Variants in ARHGAP29 observed in about 807,000 individuals in gnomAD.
The protein encoded by ARHGAP29 is rho GTPase-activating protein 29.
ARHGAP29 carries 43 observed loss-of-function variants against 122.6 expected under a neutral mutation model. The ratio of observed to expected loss-of-function variants is 0.35; its 90% CI spans 0.27 to 0.45. The LOEUF is 0.45. Among genes scored for constraint, ARHGAP29 ranks in the 20% least tolerant of loss-of-function variants. The probability of loss-of-function intolerance (pLI) is 1.00; values close to 1 mark genes in which losing one functional copy is unlikely to be tolerated. For synonymous variants in ARHGAP29, 506 were observed against 497.1 expected (o/e 1.02, Z -0.24); for missense variants, 1,303 against 1,477.2 (o/e 0.88, Z 1.93).
intron 3 of ARHGAP29, among the ~76,000 whole-genome samples, chr1:94,214,629 A>G (rs75088623): frequency 0.2 from 29,976 of 152,084 alleles, 3,793 homozygotes; most frequent in Middle Eastern, 0.33. Context: ...CTATTTAACA[A>G]CCTAACTGGT....
At chr1:94,183,343 G>T (rs777731272) in intron 19 of ARHGAP29, among the ~76,000 whole-genome samples, 2 of 152,076 alleles carry the variant, frequency 1.3e-5, no homozygotes, top group Non-Finnish European at 2.9e-5. Flanking sequence ...CTTGGCTCAG[G>T]TCTTTTTTTG....
chr1:94,203,987 C>A lies in ARHGAP29; in HGVS notation c.705G>T (p.Glu235Asp), dbSNP rs1651032542. The A allele has an allele frequency of 1.2e-6, 2 of 1,613,644 alleles. No individual in the cohort carries two copies. Among genetic ancestry groups the A allele is most frequent in the Non-Finnish European group, 1.7e-6 (2 of 1,179,846 alleles). Reference protein sequence around the residue: ...WVEKKLNLELESTRNMVKLAE... With the variant: ...WVEKKLNLELDSTRNMVKLAE... ...CCAACTTGACCATATTTCTAGTGGA[C>A]TCCAATTCTGAAAAGTTCAAAGAGG... The change falls in exon 8 of 23, where the codon GAG (glutamate) becomes GAT (aspartate). Residue 235 changes from glutamate (E) to aspartate (D), a missense_variant. Coordinates refer to ENST00000260526, the MANE Select transcript of ARHGAP29 (RefSeq NM_004815.4).
At chr1:94,287,892 C>T in the ARHGAP29 span, among the ~76,000 whole-genome samples, 184 of 152,238 alleles carry the variant, frequency 1.2e-3, no homozygotes, top group African/African-American at 4.2e-3. Context: ...TTTCTTTATC[C>T]AGTCTATTAT....
intron 12 of ARHGAP29, among the ~76,000 whole-genome samples, chr1:94,198,662 AT>A (rs146407929): frequency 6.6e-6 from 1 of 151,872 alleles, no homozygotes; most frequent in Non-Finnish European, 1.5e-5. Flanking sequence ...CAAAATGCTG[AT>A]TTTTTTTTCT....
intron 1 of ARHGAP29, among the ~76,000 whole-genome samples, chr1:94,259,828 A>G (rs1306807219): frequency 1.3e-5 from 2 of 152,224 alleles, no homozygotes; most frequent in Non-Finnish European, 2.9e-5. Context: ...AAAAATTTAA[A>G]TACTAAAATG....
At chr1:94,275,330 T>C (rs1024215536), upstream of ARHGAP29, among the ~76,000 whole-genome samples, 2 of 152,144 alleles carry the variant, frequency 1.3e-5, no homozygotes, top group Non-Finnish European at 2.9e-5. Context: ...TTGAAATGGT[T>C]TTAGGGATGT....
At chr1:94,203,276 T>A in intron 8 of ARHGAP29, 66 bp from the exon 9 acceptor site, 1 of 1,112,808 alleles carries the variant, frequency 9.0e-7, no homozygotes, top group Non-Finnish European at 1.3e-6. Flanking sequence ...AACACATCAC[T>A]ACCCTTCTTC....
intron 18 of ARHGAP29, 123 bp from the exon 19 acceptor site, chr1:94,184,411 G>GA (rs1454649040): frequency 5.2e-6 from 4 of 773,872 alleles, no homozygotes; most frequent in Non-Finnish European, 7.9e-6. Flanking sequence ...TATTATTTTA[G>GA]AAAAAAACTA....
the ARHGAP29 span, chr1:94,302,601 G>A: frequency 2.6e-6 from 1 of 387,630 alleles, no homozygotes; most frequent in African/African-American, 2.1e-5. Flanking sequence ...GGGAAACTGT[G>A]GTGTGATGGC....
At chr1:94,234,494 A>T (rs1653127981) in intron 1 of ARHGAP29, among the ~76,000 whole-genome samples, 1 of 152,174 alleles carries the variant, frequency 6.6e-6, no homozygotes, top group Non-Finnish European at 1.5e-5. Flanking sequence ...TGATTATTAA[A>T]CTGGGGACCA....
chr1:94,305,008 T>G, the ARHGAP29 span, among the ~76,000 whole-genome samples: 1 of 152,324 alleles, frequency 6.6e-6, no homozygotes, highest in Non-Finnish European at 1.5e-5. Flanking sequence ...CAACCAGAGA[T>G]GAGGCAGTGG....
chr1:94,236,880 G>C (rs1276939822), intron 1 of ARHGAP29, among the ~76,000 whole-genome samples: 1 of 152,040 alleles, frequency 6.6e-6, no homozygotes, highest in Non-Finnish European at 1.5e-5. Context: ...AGGTGGGAGC[G>C]GGAATAGAAT....
At chr1:94,239,674 G>C (rs148854994), upstream of ARHGAP29, among the ~76,000 whole-genome samples, 168 of 40,262 alleles carry the variant, frequency 4.2e-3, no homozygotes, top group African/African-American at 9.3e-3. Flanking sequence ...GAGACAAACA[G>C]AGGTGATAGA....
chr1:94,304,437 G>A, the ARHGAP29 span, among the ~76,000 whole-genome samples: 1 of 152,184 alleles, frequency 6.6e-6, no homozygotes, highest in African/African-American at 2.4e-5. Context: ...ACCACACCTG[G>A]CCTCTACCCA....
At chr1:94,221,646 TAC>T (rs1479602697) in intron 2 of ARHGAP29, among the ~76,000 whole-genome samples, 2 of 150,874 alleles carry the variant, frequency 1.3e-5, no homozygotes, top group African/African-American at 4.9e-5. Flanking sequence ...TGTACATATA[TAC>T]ATACAAATGT....
At chr1:94,278,803 G>A (rs1360118644), upstream of ARHGAP29, among the ~76,000 whole-genome samples, 2 of 152,174 alleles carry the variant, frequency 1.3e-5, no homozygotes, top group East Asian at 1.9e-4. Context: ...AAGTATGCAT[G>A]CCAGCCTGGA....
chr1:94,240,727 A>T (rs551273602), upstream of ARHGAP29, among the ~76,000 whole-genome samples: 1 of 152,174 alleles, frequency 6.6e-6, no homozygotes, highest in Non-Finnish European at 1.5e-5. Flanking sequence ...AGAAATTCAC[A>T]TCCTCTATGA....
At chr1:94,285,873 C>CAAAAAAAAAAAA in the ARHGAP29 span, among the ~76,000 whole-genome samples, 4 of 72,608 alleles carry the variant, frequency 5.5e-5, no homozygotes, top group Admixed American at 1.5e-4. Context: ...GACTCTGTCT[C>CAAAAAAAAAAAA]AAAAAAAAAA....
rs557866285 is a variant in ARHGAP29, at chr1:94,267,472, G to C, written c.-33+7540C>G. Among the ~76,000 whole-genome samples the C allele has an allele frequency of 2.6e-5, 4 of 152,282 alleles. No individual in the cohort carries two copies. The South Asian group carries it at 6.2e-4, about 24-fold the overall frequency. ...CTCAGTTTTCTCATTCATAAAATGA[G>C]TATTCTTTGAGGTCACTGTATGAAA... On this transcript the variant is annotated intron_variant and NMD_transcript_variant, in intron 1 of 25. Coordinates refer to the ARHGAP29 transcript ENST00000552844.
Sources: allele counts gnomAD v4.1 joint callset (sites outside exome capture counted in the v4.1 genomes callset), GRCh38; gene constraint gnomAD v4.1.1; transcripts MANE v1.5; gene names NCBI Gene and HGNC (gene_info 2026-07-23, HGNC 2026-07-21).